Variants in PCDH15 observed in about 807,000 individuals in gnomAD.
The protein encoded by PCDH15 is protocadherin-15.
Under a neutral mutation model 178.5 loss-of-function variants are expected in PCDH15, and 129 were observed. That is an observed-to-expected ratio of 0.72 (90% confidence interval 0.63 to 0.84). The LOEUF (loss-of-function observed/expected upper bound fraction) is 0.84, where lower values mean the gene tolerates loss of function less well. Ranked by LOEUF, PCDH15 falls within the 40% of genes least tolerant of loss-of-function variation. The pLI, the probability that PCDH15 is intolerant of heterozygous loss-of-function variation, is 0.00. For missense variants in PCDH15, 2,230 were observed against 2,099.9 expected (o/e 1.06, Z -1.21); for synonymous variants, 800 against 732.0 (o/e 1.09, Z -1.50).
Position 54,195,802 on chromosome 10 carries a change from T to C in PCDH15, c.1186A>G (p.Thr396Ala). The C allele has an allele frequency of 6.2e-7, 1 of 1,614,040 alleles. No homozygotes were observed. The change falls in exon 11 of 38, where the codon ACA (threonine) becomes GCA (alanine). Residue 396 changes from threonine to alanine, a missense_variant. Transcript: ENST00000644397. ...ATATAGCCTTGATAACTGGGCATTG[T>C]AAAATATGGACTTTGATTGTTTTCA... ...LDENNQSPYF[T>A]MPSYQGYILE...
intron 3 of PCDH15, among the ~76,000 whole-genome samples, chr10:54,881,664 A>T (rs1954264697): frequency 6.6e-6 from 1 of 152,114 alleles, no homozygotes; most frequent in Admixed American, 6.6e-5. Context: ...GATACTGTCT[A>T]CCTCAAAAAA....
At chr10:55,462,566 A>T (rs946660338) in intron 2 of PCDH15, among the ~76,000 whole-genome samples, 1 of 151,422 alleles carries the variant, frequency 6.6e-6, no homozygotes, top group African/African-American at 2.5e-5. Flanking sequence ...ACAGGTTGCT[A>T]AACAGTATGA....
At chr10:54,719,878 A>C (rs886515637) in intron 1 of PCDH15, among the ~76,000 whole-genome samples, 1 of 152,082 alleles carries the variant, frequency 6.6e-6, no homozygotes, top group Non-Finnish European at 1.5e-5. Flanking sequence ...ATGGCTGCAT[A>C]GTATTCCATG....
chr10:55,311,204 A>C lies in PCDH15; in HGVS notation c.-156+8395T>G, dbSNP rs539568370. 3.5e-4 allele frequency among the ~76,000 whole-genome samples: 54 copies of C among 152,330 alleles called. No homozygotes were observed. The South Asian group carries it at 0.011, about 32-fold the overall frequency. ...ACAATATGTTCCTCAGTAACATAAA[A>C]TTTGGTAATGCATGCTAAAGTCTAC... On this transcript the variant is annotated intron_variant, in intron 1 of 5. Transcript: ENST00000458638.
At chr10:54,070,200 T>G (rs1420146797) in intron 17 of PCDH15, among the ~76,000 whole-genome samples, 1 of 152,136 alleles carries the variant, frequency 6.6e-6, no homozygotes, top group Non-Finnish European at 1.5e-5. Flanking sequence ...GATATTTCTG[T>G]TTTTGTTTGT....
chr10:55,135,195 G>T (rs1215277872), intron 2 of PCDH15, among the ~76,000 whole-genome samples: 2 of 151,996 alleles, frequency 1.3e-5, no homozygotes, highest in East Asian at 3.9e-4. Flanking sequence ...TCATCTTAAA[G>T]AACTCAACTA....
chr10:54,503,424 A>G (rs2080897737), intron 3 of PCDH15, among the ~76,000 whole-genome samples: 1 of 151,110 alleles, frequency 6.6e-6, no homozygotes, highest in Non-Finnish European at 1.5e-5. Context: ...AAGGGAGGCT[A>G]TGGTAGTTGC....
chr10:54,947,994 T>C (rs540810482), intron 2 of PCDH15, among the ~76,000 whole-genome samples: 1 of 152,096 alleles, frequency 6.6e-6, no homozygotes, highest in African/African-American at 2.4e-5. Flanking sequence ...TATTTCTTCT[T>C]CATAGACTAT....
intron 2 of PCDH15, among the ~76,000 whole-genome samples, chr10:55,517,561 A>G (rs1841047837): frequency 6.6e-6 from 1 of 152,192 alleles, no homozygotes; most frequent in Admixed American, 6.5e-5. Flanking sequence ...AAATAAATGG[A>G]CAAAAAGTGG....
intron 7 of PCDH15, among the ~76,000 whole-genome samples, chr10:54,320,350 C>T (rs567226107): frequency 2.0e-5 from 3 of 152,098 alleles, no homozygotes; most frequent in African/African-American, 7.2e-5. Context: ...TCCTCCCTCT[C>T]ATTGTGTTAA....
intron 2 of PCDH15, among the ~76,000 whole-genome samples, chr10:55,057,819 C>T (rs1841340738): frequency 6.6e-6 from 1 of 152,156 alleles, no homozygotes; most frequent in Non-Finnish European, 1.5e-5. Flanking sequence ...CTTATCTTTC[C>T]TCATCTTATT....
rs1271865166 is a variant in PCDH15, at chr10:53,816,236, T to C, written c.4491+3A>G. On this transcript the variant is annotated splice_donor_region_variant and intron_variant, in intron 35 of 37. Transcript: ENST00000644397. ...AGGTTGAAAAGAAAATGAAAATTGA[T>C]ACCTCTGGTTTAAGAAGAGAGGGCC... is the stretch of plus-strand genomic sequence containing the variant. 5.0e-6 allele frequency: 2 copies of C among 398,744 alleles called. No individual in the cohort carries two copies. The highest frequency in any genetic ancestry group is 2.1e-5 in the African/African-American group (1 of 48,634). 24.7% of individuals were successfully genotyped at this position (398,744 alleles called of 1,614,324 possible). A position where few individuals can be genotyped will look rare whatever the true frequency, so the allele number is the denominator to read the frequency against.
intron 1 of PCDH15, among the ~76,000 whole-genome samples, chr10:54,683,720 A>C (rs2135696384): frequency 6.6e-6 from 1 of 152,236 alleles, no homozygotes; most frequent in Admixed American, 6.6e-5. Flanking sequence ...CATGTCCATT[A>C]ACATTTCACA....
chr10:55,256,732 C>G (rs866136461), intron 1 of PCDH15, among the ~76,000 whole-genome samples: 1 of 152,156 alleles, frequency 6.6e-6, no homozygotes, highest in Non-Finnish European at 1.5e-5. Context: ...CTGGGAAGCT[C>G]GAACTGGGTG....
intron 5 of PCDH15, among the ~76,000 whole-genome samples, chr10:54,357,024 G>T (rs190979174): frequency 6.6e-6 from 1 of 152,064 alleles, no homozygotes. Flanking sequence ...AATAATAAGA[G>T]CTATCAATGA....
chr10:53,895,880 G>A (rs11003920), intron 26 of PCDH15, among the ~76,000 whole-genome samples: 13,148 of 151,996 alleles, frequency 0.087, 1,538 homozygotes, highest in African/African-American at 0.26. Context: ...AGGATTCTAC[G>A]CCTCATTTCT....
chr10:55,571,827 G>A lies in PCDH15; in HGVS notation c.-156+55798C>T, dbSNP rs1232923301. On this transcript the variant is annotated intron_variant, in intron 2 of 5. Transcript: ENST00000613346. ...CCAGTTTATACAAGCCTGAGATTAA[G>A]TATGCCAACTTGCCTTAGATTCTTG... is the stretch of plus-strand genomic sequence containing the variant. Among the ~76,000 whole-genome samples, 5 of 152,042 alleles carry A rather than the reference G, an allele frequency of 3.3e-5. No homozygotes were observed. The East Asian group carries it at 9.7e-4, about 29-fold the overall frequency.
chr10:55,338,949 A>G (rs1354565748), intron 2 of PCDH15, among the ~76,000 whole-genome samples: 1 of 152,000 alleles, frequency 6.6e-6, no homozygotes, highest in Non-Finnish European at 1.5e-5. Flanking sequence ...TAAAAGAAAG[A>G]CTACTCTGGA....
intron 7 of PCDH15, among the ~76,000 whole-genome samples, chr10:54,319,402 T>C (rs1244899842): frequency 1.3e-5 from 2 of 152,086 alleles, no homozygotes; most frequent in Admixed American, 6.6e-5. Flanking sequence ...CTTGAAAACA[T>C]CATGTTTTCA....
Sources: allele counts gnomAD v4.1 joint callset (sites outside exome capture counted in the v4.1 genomes callset), GRCh38; gene constraint gnomAD v4.1.1; transcripts MANE v1.5; gene names NCBI Gene and HGNC (gene_info 2026-07-23, HGNC 2026-07-21).